Variants in MACROD2 observed in about 807,000 individuals in gnomAD.
MACROD2 encodes ADP-ribose glycohydrolase MACROD2.
A neutral mutation model predicts 70.4 loss-of-function variants in MACROD2; 36 were observed. The ratio of observed to expected loss-of-function variants is 0.51; its 90% CI spans 0.39 to 0.68. The LOEUF (loss-of-function observed/expected upper bound fraction) is 0.68, where lower values mean the gene tolerates loss of function less well. Ranked by LOEUF, MACROD2 falls within the 30% of genes least tolerant of loss-of-function variation. The pLI, the probability that MACROD2 is intolerant of heterozygous loss-of-function variation, is 0.00. For missense variants in MACROD2, 496 were observed against 538.4 expected, an observed-to-expected ratio of 0.92 and a Z score of 0.78; for synonymous variants, 172 against 178.8, an observed-to-expected ratio of 0.96 and a Z score of 0.30.
chr20:14,566,155 G>A (rs1172203497), intron 4 of MACROD2, among the ~76,000 whole-genome samples: 1 of 151,950 alleles, frequency 6.6e-6, no homozygotes, highest in Admixed American at 6.6e-5. Context: ...TATACAAAGA[G>A]TTCCTACAAA....
chr20:15,087,551 A>G (rs1457091636), intron 5 of MACROD2, among the ~76,000 whole-genome samples: 1 of 152,044 alleles, frequency 6.6e-6, no homozygotes, highest in Non-Finnish European at 1.5e-5. Flanking sequence ...CTTGCCTCAT[A>G]TCAGAGATGG....
intron 3 of MACROD2, among the ~76,000 whole-genome samples, chr20:14,108,500 A>C (rs2054402129): frequency 1.3e-5 from 2 of 151,754 alleles, no homozygotes; most frequent in South Asian, 4.1e-4. Flanking sequence ...AGCTAGACCC[A>C]ATGTCTGTTG....
At chr20:14,875,664 G>T (rs915287505) in intron 5 of MACROD2, among the ~76,000 whole-genome samples, 1 of 152,018 alleles carries the variant, frequency 6.6e-6, no homozygotes, top group Non-Finnish European at 1.5e-5. Context: ...TGGTCCCAAT[G>T]TCTATTATTT....
chr20:14,984,315 G>A (rs1466648439), intron 5 of MACROD2, among the ~76,000 whole-genome samples: 1 of 152,166 alleles, frequency 6.6e-6, no homozygotes, highest in Non-Finnish European at 1.5e-5. Flanking sequence ...ACTAGTAGTA[G>A]CAGGATTAGT....
In MACROD2 at chr20:15,019,940, TAAG is replaced by T. The variant is rs777037554; in HGVS notation, c.419-209994_419-209992del. 5.8e-4 allele frequency among the ~76,000 whole-genome samples: 89 copies of T among 152,286 alleles called. No individual in the cohort carries two copies. The Middle Eastern group carries it at 0.01, about 18-fold the overall frequency. On this transcript the variant is annotated intron_variant, in intron 5 of 17. Transcript: ENST00000684519. ...AATACTTAAAATATTAACTAGTAAA[TAAG>T]AAGAAAATTTATTCTAGTAATGAAA... is the stretch of plus-strand genomic sequence containing the variant.
chr20:14,489,860 CTT>C (rs11356639), intron 3 of MACROD2, among the ~76,000 whole-genome samples: 3,359 of 143,260 alleles, frequency 0.023, 135 homozygotes, highest in African/African-American at 0.078. Context: ...TGAAATACTT[CTT>C]TTTTTTTTTT....
intron 5 of MACROD2, among the ~76,000 whole-genome samples, chr20:14,816,307 T>C (rs1405683025): frequency 6.6e-6 from 1 of 152,064 alleles, no homozygotes; most frequent in Non-Finnish European, 1.5e-5. Context: ...AACATCTGTA[T>C]TTCTATTTTT....
intron 8 of MACROD2, among the ~76,000 whole-genome samples, chr20:15,513,353 G>T (rs1050418176): frequency 6.6e-6 from 1 of 152,200 alleles, no homozygotes; most frequent in African/African-American, 2.4e-5. Flanking sequence ...TCTCTGAAAT[G>T]TATTATTAGA....
chr20:14,046,719 ATTTAT>A (rs2053481787), intron 2 of MACROD2, among the ~76,000 whole-genome samples: 1 of 59,256 alleles, frequency 1.7e-5, no homozygotes, highest in African/African-American at 4.5e-5. Context: ...ATTCTCTTTT[ATTTAT>A]TTATTTATTT....
chr20:15,754,792 T>A (rs1382693501), intron 8 of MACROD2, among the ~76,000 whole-genome samples: 1 of 151,486 alleles, frequency 6.6e-6, no homozygotes, highest in African/African-American at 2.4e-5. Context: ...AATGTTAATC[T>A]ATGTTAGAAT....
intron 5 of MACROD2, among the ~76,000 whole-genome samples, chr20:14,900,779 T>G (rs1264389187): frequency 6.6e-6 from 1 of 152,006 alleles, no homozygotes; most frequent in African/African-American, 2.4e-5. Flanking sequence ...TTTTCTCTTT[T>G]GTTATTCTAT....
At chr20:15,526,440 G>A (rs904020605) in intron 8 of MACROD2, among the ~76,000 whole-genome samples, 2 of 152,154 alleles carry the variant, frequency 1.3e-5, no homozygotes, top group Non-Finnish European at 1.5e-5. Context: ...TATGGAAAAA[G>A]TGAGAAAAAT....
At chr20:15,070,661 A>G (rs1411418027) in intron 5 of MACROD2, among the ~76,000 whole-genome samples, 4 of 152,046 alleles carry the variant, frequency 2.6e-5, no homozygotes, top group Non-Finnish European at 5.9e-5. Context: ...CATGTGACAC[A>G]CTGGCTCCCC....
chr20:14,859,888 G>A (rs1220417104), intron 5 of MACROD2, among the ~76,000 whole-genome samples: 2 of 152,086 alleles, frequency 1.3e-5, no homozygotes, highest in African/African-American at 4.8e-5. Flanking sequence ...GTTAAATCAG[G>A]ACAGGGGTCT....
chr20:14,327,622 A>G, intron 3 of MACROD2: 1 of 1,182,888 alleles, frequency 8.5e-7, no homozygotes, highest in Non-Finnish European at 1.1e-6. Flanking sequence ...TATAATGTTT[A>G]AAAACAAATG....
intron 5 of MACROD2, among the ~76,000 whole-genome samples, chr20:15,169,413 C>A (rs947747603): frequency 6.6e-6 from 1 of 152,060 alleles, no homozygotes; most frequent in Non-Finnish European, 1.5e-5. Context: ...TTTTTATAGT[C>A]TTTTTTGGCC....
chr20:15,139,678 T>C (rs1427956359), intron 5 of MACROD2, among the ~76,000 whole-genome samples: 1 of 152,146 alleles, frequency 6.6e-6, no homozygotes, highest in Non-Finnish European at 1.5e-5. Context: ...GTAAAAACAA[T>C]TACCCTGAAA....
rs76047756 is a variant in MACROD2 at position 14,590,288 on chromosome 20, A to G, written c.302-94555A>G. On this transcript the variant is annotated intron_variant, in intron 4 of 17. Transcript: ENST00000684519. ...GTCCTAACCTTACTAGTTAGAGGAA[A>G]GAGATCATAGGTATAACATAAATGA... Among the ~76,000 whole-genome samples, 1,206 of 152,302 alleles carry G rather than the reference A, an allele frequency of 7.9e-3. 12 individuals carry two copies. The highest frequency in any genetic ancestry group is 0.027 in the African/African-American group (1,134 of 41,560).
At chr20:15,976,644 C>T (rs1419098967) in intron 13 of MACROD2, among the ~76,000 whole-genome samples, 1 of 152,210 alleles carries the variant, frequency 6.6e-6, no homozygotes, top group Non-Finnish European at 1.5e-5. Flanking sequence ...TCAGGCATAC[C>T]TTGTCTTTGT....
Sources: allele counts gnomAD v4.1 joint callset (sites outside exome capture counted in the v4.1 genomes callset), GRCh38; gene constraint gnomAD v4.1.1; transcripts MANE v1.5; gene names NCBI Gene and HGNC (gene_info 2026-07-23, HGNC 2026-07-21).